TMEM259: variants seen among roughly 807,000 people sequenced by gnomAD.
TMEM259 encodes the protein membralin.
TMEM259 carries 26 observed loss-of-function variants against 46.7 expected under a neutral mutation model. That is an observed-to-expected ratio of 0.56 (90% CI 0.41 to 0.77). The LOEUF is 0.77. TMEM259 is among the 30% of genes least tolerant of loss of function. The pLI, the probability that TMEM259 is intolerant of heterozygous loss-of-function variation, is 0.00. For missense variants in TMEM259, 930 were observed against 900.5 expected (o/e 1.03, Z -0.42); for synonymous variants, 494 against 395.1 (o/e 1.25, Z -2.97).
At position 1,012,503 on chromosome 19, in the gene TMEM259, G is replaced by A. The variant is rs2038970684; in HGVS notation, c.678C>T (p.Thr226=). Reference sequence around the variant, plus strand: ...TGACGGGGATGCTCAGGCGCTGGCGGGTGGCCTGCGACAGGCGAAGGAAGC... The same window carrying A: ...TGACGGGGATGCTCAGGCGCTGGCGAGTGGCCTGCGACAGGCGAAGGAAGC... ...EYGFLRLSQA[T]RQRLSIPVMV... Residue 226 remains threonine, a synonymous_variant, in exon 4 of 11, where the codon ACC becomes ACT. Coordinates refer to ENST00000356663, the MANE Select transcript of TMEM259 (RefSeq NM_001033026.2). The A allele has an allele frequency of 2.5e-6, 4 of 1,603,164 alleles. No individual in the cohort carries two copies. Among genetic ancestry groups the A allele is most frequent in the Non-Finnish European group, 3.4e-6 (4 of 1,176,566 alleles).
intron 1 of TMEM259, among the ~76,000 whole-genome samples, chr19:1,018,524 G>A (rs2039182438): frequency 6.6e-6 from 1 of 152,216 alleles, no homozygotes; most frequent in Non-Finnish European, 1.5e-5. Flanking sequence ...TCTGCAGGGA[G>A]ACCCCCGGAA....
At chr19:1,013,724 C>A (rs1228412150) in intron 2 of TMEM259, 1 of 279,922 alleles carries the variant, frequency 3.6e-6, no homozygotes, top group South Asian at 4.7e-5. Flanking sequence ...GGCTGTGGGG[C>A]CCAACACAGC....
chr19:1,012,648 C>T (rs1297849191), intron 3 of TMEM259, 75 bp from the exon 4 acceptor site: 14 of 1,515,272 alleles, frequency 9.2e-6, no homozygotes, highest in African/African-American at 2.8e-5. Context: ...GCAAGGCAGG[C>T]GTTGAGGGGT....
rs2038841176 is a variant in TMEM259 at position 1,009,910 on chromosome 19, G to A, written c.*440C>T. The A allele has an allele frequency of 5.7e-6, 2 of 349,122 alleles. No individual in the cohort carries two copies. Among genetic ancestry groups the A allele is most frequent in the South Asian group, 6.9e-5 (1 of 14,456 alleles). The allele number at this position is 349,122 out of a possible 1,614,324, so 21.6% of individuals were successfully genotyped here. A position where few individuals can be genotyped will look rare whatever the true frequency, so the allele number is the denominator to read the frequency against. On this transcript the variant is annotated 3_prime_UTR_variant, in exon 11 of 11. Transcript: ENST00000356663. ...GCCTGGCGCACACGCGGGGAGGGCG[G>A]GGCCATGGAGAAGGCACTGCAGGGA...
intron 1 of TMEM259, among the ~76,000 whole-genome samples, chr19:1,019,166 G>T (rs994665068): frequency 6.6e-6 from 1 of 152,178 alleles, no homozygotes; most frequent in African/African-American, 2.4e-5. Context: ...TTGGCCTGGA[G>T]ATGGAGCCGG....
At chr19:1,012,719 A>G in intron 3 of TMEM259, 146 bp from the exon 4 acceptor site, 2 of 1,098,014 alleles carry the variant, frequency 1.8e-6, no homozygotes, top group Non-Finnish European at 2.6e-6. Context: ...CCCTACATGG[A>G]CACTTGGGAT....
At chr19:1,011,221 G>T in intron 9 of TMEM259, 26 bp from the exon 10 acceptor site, 1 of 1,563,046 alleles carries the variant, frequency 6.4e-7, no homozygotes, top group Non-Finnish European at 8.7e-7. Flanking sequence ...AGGGCGTCGG[G>T]GCTGCAGGTC....
Position 1,020,442 on chromosome 19 carries a change from G to A in TMEM259, c.225+330C>T, listed in dbSNP as rs2039253060. 6.6e-6 allele frequency among the ~76,000 whole-genome samples: 1 copy of A among 150,786 alleles called. No individual in the cohort carries two copies. Among genetic ancestry groups the A allele is most frequent in the South Asian group, 2.1e-4 (1 of 4,790 alleles). On this transcript the variant is annotated intron_variant, in intron 1 of 10. Coordinates refer to ENST00000356663, the MANE Select transcript of TMEM259 (RefSeq NM_001033026.2). The surrounding 1 kb of genome is among the most constrained non-coding windows in gnomAD (Gnocchi z 4.0). Reference sequence around the variant, plus strand: ...CAAGCCTGGGTAGGTGGGGACCTGGGAAAGGCGGTCGCCGGGGACAGGATG... The same window carrying A: ...CAAGCCTGGGTAGGTGGGGACCTGGAAAAGGCGGTCGCCGGGGACAGGATG...
intron 3 of TMEM259, among the ~76,000 whole-genome samples, chr19:1,012,811 C>T (rs931186004): frequency 6.6e-6 from 1 of 152,186 alleles, no homozygotes; most frequent in African/African-American, 2.4e-5. Context: ...CTCTCCCTGG[C>T]TGGGGCTGGC....
intron 3 of TMEM259, among the ~76,000 whole-genome samples, 158 bp downstream of exon 3, chr19:1,013,083 G>A (rs2038991999): frequency 6.6e-6 from 1 of 152,172 alleles, no homozygotes; most frequent in South Asian, 2.1e-4. Context: ...ACAGCCTCCT[G>A]TGCTGACAGA....
In TMEM259 at chr19:1,012,403, C is replaced by A. The variant is rs112038545; in HGVS notation, c.718+60G>T. 5,987 of 1,531,512 alleles carry A rather than the reference C, an allele frequency of 3.9e-3. 206 individuals are homozygous for A. The African/African-American group carries it at 0.072, about 18-fold the overall frequency. 94.9% of individuals were successfully genotyped at this position (1,531,512 alleles called of 1,614,324 possible). On this transcript the variant is annotated intron_variant, in intron 4 of 10. Coordinates refer to ENST00000356663, the MANE Select transcript of TMEM259 (RefSeq NM_001033026.2). Reference sequence around the variant, plus strand: ...CCCGTCCCGCACCAGCAGGAGGAGACCCGAGGGAGGAGGGGAGGCCCCGCC... The same window carrying A: ...CCCGTCCCGCACCAGCAGGAGGAGAACCGAGGGAGGAGGGGAGGCCCCGCC...
intron 6 of TMEM259, 25 bp downstream of exon 6, chr19:1,011,867 C>T (rs1330032195): frequency 1.2e-6 from 2 of 1,600,108 alleles, no homozygotes; most frequent in Non-Finnish European, 1.7e-6. Context: ...CCGGCCAGCC[C>T]CCGCACCCGC....
At chr19:1,012,436 TC>T in intron 4 of TMEM259, 26 bp downstream of exon 4, 1 of 1,561,942 alleles carries the variant, frequency 6.4e-7, no homozygotes. Context: ...GCCATGGAGC[TC>T]CCCAAGCCCA....
At chr19:1,012,423 C>CCCG in intron 4 of TMEM259, 40 bp downstream of exon 4, 1 of 1,543,242 alleles carries the variant, frequency 6.5e-7, no homozygotes, top group Non-Finnish European at 8.7e-7. Context: ...GAGGGGAGGC[C>CCCG]CCGCCATGGA....
At position 1,010,437 on chromosome 19, in the gene TMEM259, A is replaced by C; in HGVS notation, c.1776T>G (p.Ser592=). 6.5e-7 allele frequency: 1 copy of C among 1,533,346 alleles called. No homozygotes were observed. The highest frequency in any genetic ancestry group is 8.8e-7 in the Non-Finnish European group (1 of 1,141,430). 95.0% of individuals were successfully genotyped at this position (1,533,346 alleles called of 1,614,324 possible). A position where few individuals can be genotyped will look rare whatever the true frequency, so the allele number is the denominator to read the frequency against. Residue 592 remains serine, a synonymous_variant, in exon 11 of 11, where the codon TCT becomes TCG. Coordinates refer to ENST00000356663, the MANE Select transcript of TMEM259 (RefSeq NM_001033026.2). ...DSVPPSDSAA[S]DTTPLGAAVG... is the part of the protein sequence containing the mutation. ...CCGCAGCCCCCAGGGGAGTTGTGTC[A>C]GAAGCTGCGGAGTCACTCGGGGGGA... is the stretch of plus-strand genomic sequence containing the variant.
intron 2 of TMEM259, chr19:1,013,723 G>GCC (rs1403751222): frequency 7.2e-6 from 2 of 277,248 alleles, no homozygotes; most frequent in African/African-American, 4.4e-5. Flanking sequence ...AGGCTGTGGG[G>GCC]CCCAACACAG....
At chr19:1,012,291 T>A in intron 4 of TMEM259, 103 bp from the exon 5 acceptor site, 1 of 1,510,720 alleles carries the variant, frequency 6.6e-7, no homozygotes, top group Non-Finnish European at 8.9e-7. Flanking sequence ...TTCCTGGCCC[T>A]GCCCATTCTT....
chr19:1,012,463 C>A lies in TMEM259; in HGVS notation c.718G>T (p.Asp240Tyr). The change falls in exon 4 of 11, where the codon GAC (aspartate) becomes TAC (tyrosine). Residue 240 changes from aspartate to tyrosine, a missense_variant and splice_region_variant. Physicochemically the swap from Asp to Tyr is radical, Grantham distance 160. Coordinates refer to ENST00000356663, the MANE Select transcript of TMEM259 (RefSeq NM_001033026.2). Reference sequence around the variant, plus strand: ...CCCAAGCCCAGCAGCTCAGACTCACCCAGGGTGACCACCATGACGGGGATG... The same window carrying A: ...CCCAAGCCCAGCAGCTCAGACTCACACAGGGTGACCACCATGACGGGGATG... Reference protein sequence around the residue: ...LSIPVMVVTLDPTRDQCFGDR... With the variant: ...LSIPVMVVTLYPTRDQCFGDR... The A allele has an allele frequency of 6.3e-7, 1 of 1,596,972 alleles. No individual in the cohort carries two copies. Among genetic ancestry groups the A allele is most frequent in the East Asian group, 2.3e-5 (1 of 44,150 alleles).
intron 1 of TMEM259, among the ~76,000 whole-genome samples, chr19:1,016,562 C>T (rs1185564962): frequency 1.3e-5 from 2 of 152,256 alleles, no homozygotes; most frequent in East Asian, 3.8e-4. Flanking sequence ...AGTGCTGATA[C>T]ACAGTGGGCC....
Sources: allele counts gnomAD v4.1 joint callset (sites outside exome capture counted in the v4.1 genomes callset), GRCh38; gene constraint gnomAD v4.1.1; non-coding constraint Gnocchi (gnomAD v3.1); transcripts MANE v1.5; gene names NCBI Gene and HGNC (gene_info 2026-07-23, HGNC 2026-07-21).